The following RORA variants were observed in gnomAD, a reference collection of about 807,000 sequenced individuals.
The protein encoded by RORA is nuclear receptor ROR-alpha.
In RORA, 7 loss-of-function variants were observed where a neutral mutation model predicts 69.5. The ratio of observed to expected loss-of-function variants is 0.10; its 90% CI spans 0.06 to 0.19. The LOEUF (loss-of-function observed/expected upper bound fraction) is 0.19. RORA is among the 10% of genes least tolerant of loss of function. The pLI is 1.00. For synonymous variants in RORA, 261 were observed against 240.8 expected (o/e 1.08, Z -0.78); for missense variants, 457 against 663.0 (o/e 0.69, Z 3.41).
At chr15:60,602,718 C>T (rs536418518) in intron 2 of RORA, among the ~76,000 whole-genome samples, 3 of 152,082 alleles carry the variant, frequency 2.0e-5, no homozygotes, top group Non-Finnish European at 4.4e-5. Context: ...CTGATGTCAC[C>T]GTGTCAAACT....
At chr15:61,086,935 G>C (rs1253721908) in intron 1 of RORA, among the ~76,000 whole-genome samples, 1 of 152,172 alleles carries the variant, frequency 6.6e-6, no homozygotes, top group African/African-American at 2.4e-5. Context: ...TGCTTTTGTA[G>C]GCCAAGGCGG....
intron 1 of RORA, among the ~76,000 whole-genome samples, chr15:60,802,731 A>G (rs896971138): frequency 6.6e-6 from 1 of 152,156 alleles, no homozygotes; most frequent in Non-Finnish European, 1.5e-5. Flanking sequence ...AAATATTTCT[A>G]TGTCTACAGA....
intron 1 of RORA, among the ~76,000 whole-genome samples, chr15:60,726,809 G>T (rs906903671): frequency 6.6e-6 from 1 of 152,180 alleles, no homozygotes; most frequent in South Asian, 2.1e-4. Flanking sequence ...ACATTGAGGA[G>T]CCCTGAGGGT....
intron 2 of RORA, among the ~76,000 whole-genome samples, chr15:60,673,555 T>G (rs2070507564): frequency 6.6e-6 from 1 of 152,254 alleles, no homozygotes; most frequent in African/African-American, 2.4e-5. Context: ...ATTTTTGCCT[T>G]TTGCTTTATT....
intron 2 of RORA, among the ~76,000 whole-genome samples, chr15:60,667,562 G>C (rs896627139): frequency 2.0e-5 from 3 of 152,182 alleles, no homozygotes; most frequent in African/African-American, 4.8e-5. Context: ...ACATGTATTA[G>C]AAGTTTTTGA....
At chr15:61,179,281 TAG>T (rs1478348097) in intron 1 of RORA, among the ~76,000 whole-genome samples, 2 of 152,160 alleles carry the variant, frequency 1.3e-5, no homozygotes, top group Non-Finnish European at 2.9e-5. Flanking sequence ...TGACAAATAG[TAG>T]AGTTTTCCAG....
chr15:60,879,616 T>G (rs554835270), intron 1 of RORA, among the ~76,000 whole-genome samples: 1 of 152,178 alleles, frequency 6.6e-6, no homozygotes, highest in Admixed American at 6.5e-5. Context: ...TTAGTTTCTA[T>G]GATTAATTAT....
intron 2 of RORA, among the ~76,000 whole-genome samples, chr15:60,619,005 A>G (rs1303598507): frequency 1.3e-5 from 2 of 152,234 alleles, no homozygotes; most frequent in Admixed American, 1.3e-4. Context: ...CTCACAGGGA[A>G]TACTGGCACC....
At chr15:60,497,859 G>A (rs575126932) in intron 10 of RORA, among the ~76,000 whole-genome samples, 1 of 151,834 alleles carries the variant, frequency 6.6e-6, no homozygotes, top group Non-Finnish European at 1.5e-5. Flanking sequence ...AGGAGTTCAA[G>A]ACCAGCCTGG....
chr15:61,218,710 A>ACACACACAC (rs1555421365), intron 1 of RORA, among the ~76,000 whole-genome samples: 1 of 150,132 alleles, frequency 6.7e-6, no homozygotes, highest in Admixed American at 6.7e-5. Context: ...ACACACACAC[A>ACACACACAC]ATTTCCTTCT....
intron 1 of RORA, among the ~76,000 whole-genome samples, chr15:61,102,238 T>A (rs1421264798): frequency 4.6e-5 from 7 of 152,234 alleles, no homozygotes; most frequent in African/African-American, 1.7e-4. Flanking sequence ...GGGGTCTCCA[T>A]ATGAGAAGCC....
At chr15:60,558,523 G>A (rs570135414) in intron 2 of RORA, 13 of 440,514 alleles carry the variant, frequency 3.0e-5, no homozygotes, top group South Asian at 8.0e-5. Context: ...GGTTAAATGC[G>A]TATGTTTGAT....
intron 1 of RORA, among the ~76,000 whole-genome samples, chr15:60,991,785 C>T (rs182958137): frequency 2.0e-5 from 3 of 151,998 alleles, no homozygotes; most frequent in Admixed American, 2.0e-4. Flanking sequence ...CTGCAAGCAC[C>T]TGTGCTACTC....
At chr15:61,030,675 G>A (rs1595893747) in intron 1 of RORA, among the ~76,000 whole-genome samples, 1 of 152,116 alleles carries the variant, frequency 6.6e-6, no homozygotes, top group Non-Finnish European at 1.5e-5. Context: ...ACAGGATGGT[G>A]ATTATGAACA....
intron 1 of RORA, among the ~76,000 whole-genome samples, chr15:61,167,305 CATATAGTCCAGAAA>C (rs1412100043): frequency 3.3e-5 from 5 of 151,996 alleles, no homozygotes; most frequent in African/African-American, 1.2e-4. Flanking sequence ...TCCTGATATT[CATATAGTCCAGAAA>C]ATGACAATGT....
At chr15:60,963,059 A>G (rs1893458215) in intron 1 of RORA, among the ~76,000 whole-genome samples, 1 of 152,256 alleles carries the variant, frequency 6.6e-6, no homozygotes, top group Non-Finnish European at 1.5e-5. Flanking sequence ...TATAAGCAGC[A>G]ATCATACTGT....
rs927898949 is a variant in RORA at position 61,012,622 on chromosome 15, C to T, written c.166+216431G>A. ...TTGATCAAATATCCTTTCTCAAGTG[C>T]CTGGCAAACATTGTTTCACTAAACC... is the stretch of plus-strand genomic sequence containing the variant. On this transcript the variant is annotated intron_variant, in intron 1 of 10. Coordinates refer to ENST00000335670, the MANE Select transcript of RORA (RefSeq NM_134261.3). Among the ~76,000 whole-genome samples, 5 of 151,856 alleles carry T rather than the reference C, an allele frequency of 3.3e-5. No individual in the cohort carries two copies. In the Admixed American group the frequency reaches 3.3e-4, roughly 10 times the overall value.
intron 5 of RORA, among the ~76,000 whole-genome samples, chr15:60,505,950 C>T (rs374405585): frequency 1.3e-5 from 2 of 152,186 alleles, no homozygotes; most frequent in Admixed American, 6.5e-5. Flanking sequence ...AAATGATTGA[C>T]GTGGTGCTTC....
intron 1 of RORA, among the ~76,000 whole-genome samples, chr15:61,098,619 A>C (rs1033393129): frequency 1.3e-5 from 2 of 152,162 alleles, no homozygotes; most frequent in Non-Finnish European, 2.9e-5. Context: ...CTAGGGTTAA[A>C]GGTGTGCACA....
Sources: gnomAD v4.1 joint callset for allele counts (sites outside exome capture counted in the v4.1 genomes callset) on GRCh38, gnomAD v4.1.1 for gene constraint, MANE v1.5 for transcripts, NCBI Gene and HGNC (gene_info 2026-07-23, HGNC 2026-07-21) for gene names.